The following TMC3 variants were observed in gnomAD, a reference collection of about 807,000 sequenced individuals.
The protein encoded by TMC3 is transmembrane channel like 3.
A neutral mutation model predicts 110.6 loss-of-function variants in TMC3; 98 were observed. The ratio of observed to expected loss-of-function variants is 0.89; its 90% CI spans 0.75 to 1.05. The LOEUF (loss-of-function observed/expected upper bound fraction) is 1.05. Among genes scored for constraint, TMC3 ranks in the 50% least tolerant of loss-of-function variants. The pLI, the probability that TMC3 is intolerant of heterozygous loss-of-function variation, is 0.00. For missense variants in TMC3, 1,319 were observed against 1,373.2 expected, an observed-to-expected ratio of 0.96 and a Z score of 0.62; for synonymous variants, 489 against 513.1, an observed-to-expected ratio of 0.95 and a Z score of 0.63.
chr15:81,365,197 TAG>T (rs1455554273), intron 3 of TMC3, among the ~76,000 whole-genome samples: 1 of 151,798 alleles, frequency 6.6e-6, no homozygotes, highest in Non-Finnish European at 1.5e-5. Flanking sequence ...TGAAAAAGTT[TAG>T]AGAGTTTTTC....
At chr15:81,350,877 A>G (rs1047805729) in intron 10 of TMC3, among the ~76,000 whole-genome samples, 3 of 152,192 alleles carry the variant, frequency 2.0e-5, no homozygotes, top group African/African-American at 7.2e-5. Context: ...ATTTATGGGA[A>G]TATTCACACA....
rs1299420582 is a variant in TMC3 at position 81,351,464 on chromosome 15, G to A, written c.1083+230C>T. 6.7e-5 allele frequency among the ~76,000 whole-genome samples: 10 copies of A among 149,402 alleles called. No homozygotes were observed. The Admixed American group carries it at 6.8e-4, about 10-fold the overall frequency. On this transcript the variant is annotated intron_variant, in intron 10 of 21. Transcript: ENST00000359440. ...GTCGCCTGGGTTCAAGGATTCTCCT[G>A]CCTCAGCCTCCTGAGTAGCTGGAAC...
chr15:81,363,590 A>G (rs545809550), intron 3 of TMC3, among the ~76,000 whole-genome samples: 1 of 152,238 alleles, frequency 6.6e-6, no homozygotes, highest in Non-Finnish European at 1.5e-5. Context: ...TCAGAAGTTT[A>G]TCAGAAGTTG....
intron 21 of TMC3, among the ~76,000 whole-genome samples, chr15:81,334,037 G>T (rs972026090): frequency 2.5e-4 from 38 of 151,792 alleles, no homozygotes; most frequent in African/African-American, 8.0e-4. Flanking sequence ...AATCTGTATG[G>T]TGGCTGTAGT....
At chr15:81,346,464 T>C (rs1435293806) in intron 11 of TMC3, 21 bp from the exon 12 acceptor site, 3 of 1,610,806 alleles carry the variant, frequency 1.9e-6, no homozygotes, top group East Asian at 2.2e-5. Context: ...CAAGCCCACC[T>C]TGAGAAACAA....
chr15:81,351,966 T>C (rs1893961721), intron 9 of TMC3, 125 bp from the exon 10 acceptor site: 1 of 1,117,674 alleles, frequency 8.9e-7, no homozygotes, highest in Non-Finnish European at 1.3e-6. Context: ...CCCTGAAGCA[T>C]CAATGCACTT....
chr15:81,364,700 C>CT (rs1894268373), intron 3 of TMC3, among the ~76,000 whole-genome samples: 1 of 110,328 alleles, frequency 9.1e-6, no homozygotes, highest in African/African-American at 3.0e-5. Context: ...AACATTATTC[C>CT]AAAAAAAAAA....
At position 81,346,247 on chromosome 15, in the gene TMC3, A is replaced by T. The variant is rs80291423; in HGVS notation, c.1272+118T>A. 3,654 of 917,556 alleles carry T rather than the reference A, an allele frequency of 4.0e-3. 116 individuals carry two copies. In the African/African-American group the frequency reaches 0.054, roughly 13 times the overall value. 56.8% of individuals were successfully genotyped at this position (917,556 alleles called of 1,614,324 possible). Reference sequence around the variant, plus strand: ...ACTCCAGCAAAGTCAAGTTTTGCACATGATTATGGAGTACAAGTATAAGCA... The same window carrying T: ...ACTCCAGCAAAGTCAAGTTTTGCACTTGATTATGGAGTACAAGTATAAGCA... On this transcript the variant is annotated intron_variant, in intron 12 of 21. Transcript: ENST00000359440.
At chr15:81,338,869 G>T in intron 17 of TMC3, 89 bp from the exon 18 acceptor site, 1 of 1,426,416 alleles carries the variant, frequency 7.0e-7, no homozygotes, top group East Asian at 2.3e-5. Flanking sequence ...ATGCCTGGAG[G>T]CCAATTCATA....
rs1200973623 is a variant in TMC3, at chr15:81,332,442, C to T, written c.3280G>A (p.Asp1094Asn). Reference protein sequence around the residue: ...SGQELTVDLDDLICSDV With the variant: ...SGQELTVDLDNLICSDV ...GCCTAGACATCTGAACAAATCAAGT[C>T]ATCCAGATCCACGGTCAGCTCCTGC... The change falls in exon 22 of 22, where the codon GAC becomes AAC. Residue 1094 changes from aspartate to asparagine, a missense_variant. Physicochemically the swap from Asp to Asn is conservative, Grantham distance 23. Coordinates refer to ENST00000359440, the MANE Select transcript of TMC3 (RefSeq NM_001080532.3). 1 of 1,608,412 alleles carries T rather than the reference C, an allele frequency of 6.2e-7. No homozygotes were observed. Among genetic ancestry groups the T allele is most frequent in the Non-Finnish European group, 8.5e-7 (1 of 1,177,026 alleles).
chr15:81,346,493 C>T (rs374187051), intron 11 of TMC3, 50 bp from the exon 12 acceptor site: 79 of 1,577,282 alleles, frequency 5.0e-5, no homozygotes, highest in Non-Finnish European at 5.5e-5. Flanking sequence ...CATAGAAGTC[C>T]GTGGTTCTAG....
At chr15:81,334,414 A>C (rs1460539096) in intron 21 of TMC3, among the ~76,000 whole-genome samples, 1 of 152,166 alleles carries the variant, frequency 6.6e-6, no homozygotes, top group African/African-American at 2.4e-5. Flanking sequence ...TGCCAATAAT[A>C]TGGCCACTGT....
chr15:81,356,543 A>C lies in TMC3; in HGVS notation c.795T>G (p.Tyr265Ter), dbSNP rs1183823846. Residue 265 changes from tyrosine (Y) to a stop codon, truncating the protein, a stop_gained, in exon 8 of 22, where the codon TAT (tyrosine) becomes TAG (stop). Transcript: ENST00000359440. LOFTEE classifies it high-confidence loss of function. Reference protein sequence around the residue: ...TSLASASNENYTFCWRVFCAW... With the variant: ...TSLASASNEN Reference sequence around the variant, plus strand: ...CACAGAACACCCGCCAGCAGAAGGTATAGTTTTCATTGGAAGCACTGGCAA... The same window carrying C: ...CACAGAACACCCGCCAGCAGAAGGTCTAGTTTTCATTGGAAGCACTGGCAA... 2 of 1,584,318 alleles carry C rather than the reference A, an allele frequency of 1.3e-6. No homozygotes were observed. The highest frequency in any genetic ancestry group is 2.7e-5 in the African/African-American group (2 of 74,232).
intron 7 of TMC3, among the ~76,000 whole-genome samples, chr15:81,357,137 T>A (rs1305420099): frequency 6.6e-6 from 1 of 152,092 alleles, no homozygotes; most frequent in Non-Finnish European, 1.5e-5. Flanking sequence ...CCATATTTCT[T>A]GCTTCCAAGT....
chr15:81,344,715 T>C, intron 13 of TMC3, 51 bp downstream of exon 13: 1 of 1,565,616 alleles, frequency 6.4e-7, no homozygotes, highest in Admixed American at 1.7e-5. Context: ...GTTGCTGGGG[T>C]TAAGTGATGA....
intron 7 of TMC3, among the ~76,000 whole-genome samples, 158 bp downstream of exon 7, chr15:81,357,991 A>G (rs1156893275): frequency 6.6e-6 from 1 of 152,218 alleles, no homozygotes. Flanking sequence ...GGCTATTGAC[A>G]AGATTAGATG....
chr15:81,340,127 G>A (rs1265362625), intron 16 of TMC3, among the ~76,000 whole-genome samples: 1 of 152,196 alleles, frequency 6.6e-6, no homozygotes, highest in African/African-American at 2.4e-5. Context: ...GGTGTGCAAG[G>A]CCCTGTACAC....
At chr15:81,358,661 C>T (rs780110922) in intron 5 of TMC3, among the ~76,000 whole-genome samples, 161 bp from the exon 6 acceptor site, 13 of 151,990 alleles carry the variant, frequency 8.6e-5, no homozygotes, top group East Asian at 3.9e-4. Context: ...TAATCTTGGG[C>T]GGCCAGATTT....
intron 2 of TMC3, among the ~76,000 whole-genome samples, chr15:81,371,318 A>G (rs1894429997): frequency 6.6e-6 from 1 of 152,256 alleles, no homozygotes; most frequent in South Asian, 2.1e-4. Context: ...CCTGCAGAAG[A>G]GGCTGGTCAG....
Sources: allele counts gnomAD v4.1 joint callset (sites outside exome capture counted in the v4.1 genomes callset), GRCh38; gene constraint gnomAD v4.1.1; transcripts MANE v1.5; gene names NCBI Gene and HGNC (gene_info 2026-07-23, HGNC 2026-07-21).